SGSH: variants seen among roughly 807,000 people sequenced by gnomAD.
SGSH encodes the protein heparan sulfate sulfatase.
SGSH carries 48 observed loss-of-function variants against 51.0 expected under a neutral mutation model. That is an observed-to-expected ratio of 0.94 (90% CI 0.75 to 1.20). The LOEUF (loss-of-function observed/expected upper bound fraction) is 1.20, where lower values mean the gene tolerates loss of function less well. Ranked by LOEUF, SGSH falls within the 50% of genes most tolerant of loss-of-function variation. The pLI is 0.00. For missense variants in SGSH, 662 were observed against 717.8 expected (o/e 0.92, Z 0.89); for synonymous variants, 321 against 313.4 (o/e 1.02, Z -0.26).
chr17:80,215,258 G>A (rs1052394710), intron 2 of SGSH, 120 bp from the exon 3 acceptor site: 3 of 734,720 alleles, frequency 4.1e-6, no homozygotes, highest in Admixed American at 2.0e-5. Context: ...TTTAGACTTC[G>A]AGTGGCCAGC....
At chr17:80,204,075 C>A (rs1470145282), downstream of SGSH, 7 of 855,266 alleles carry the variant, frequency 8.2e-6, no homozygotes, top group Non-Finnish European at 1.3e-5. Context: ...CAGGCTCTTG[C>A]ACAAGTGCAG....
chr17:80,203,912 C>T (rs746722599), downstream of SGSH: 7 of 1,564,272 alleles, frequency 4.5e-6, no homozygotes, highest in Non-Finnish European at 6.1e-6. The surrounding 1 kb of genome is among the most constrained non-coding windows in gnomAD (Gnocchi z 4.6). Flanking sequence ...GGGCCTGGAC[C>T]CCACTGGGGT....
At chr17:80,205,809 T>G, downstream of SGSH, 1 of 651,614 alleles carries the variant, frequency 1.5e-6, no homozygotes, top group Non-Finnish European at 2.5e-6. Context: ...AGCCCAAAAC[T>G]CATCTCAGCC....
downstream of SGSH, chr17:80,208,217 G>A (rs1340105307): frequency 6.4e-7 from 1 of 1,560,878 alleles, no homozygotes; most frequent in Non-Finnish European, 8.7e-7. Flanking sequence ...CCTGGACCGG[G>A]CGCCCTGTCT....
chr17:80,202,129 G>C (rs745392909), downstream of SGSH: 60 of 1,508,536 alleles, frequency 4.0e-5, no homozygotes, highest in Non-Finnish European at 5.5e-5. Context: ...AACCTTCCTC[G>C]CAGAGGCTCG....
Position 80,210,181 on chromosome 17 carries a change from G to A in SGSH, c.*271C>T. On this transcript the variant is annotated 3_prime_UTR_variant, in exon 8 of 8. Coordinates refer to ENST00000326317, the MANE Select transcript of SGSH (RefSeq NM_000199.5). ...ACGTATGTCTAGAATTCCCGTGCTGGGACATGGTTCAGACACAAGGACAAC... is the reference window on the plus strand; with the variant it reads ...ACGTATGTCTAGAATTCCCGTGCTGAGACATGGTTCAGACACAAGGACAAC... 7.3e-7 allele frequency: 1 copy of A among 1,377,748 alleles called. No individual in the cohort carries two copies. Among genetic ancestry groups the A allele is most frequent in the Non-Finnish European group, 9.4e-7 (1 of 1,065,186 alleles). 85.3% of individuals were successfully genotyped at this position (1,377,748 alleles called of 1,614,324 possible).
rs544420951 is a variant in SGSH, at chr17:80,209,762, A to C, written c.*690T>G. ...ATGCCTTCATCTTCGGACACTCTCA[A>C]AAAAGATAAGCTTCTGCCCAGAAAC... On this transcript the variant is annotated 3_prime_UTR_variant, in exon 8 of 8. Coordinates refer to ENST00000326317, the MANE Select transcript of SGSH (RefSeq NM_000199.5). The C allele has an allele frequency of 7.3e-4, 718 of 985,566 alleles. 1 individual carries two copies. Among genetic ancestry groups the C allele is most frequent in the Non-Finnish European group, 8.3e-4 (692 of 830,132 alleles). The allele number at this position is 985,566 out of a possible 1,614,324, so 61.1% of individuals were successfully genotyped here. A position where few individuals can be genotyped will look rare whatever the true frequency, so the allele number is the denominator to read the frequency against.
rs1002896537 is a variant in SGSH at position 80,211,746 on chromosome 17, A to G, written c.949+325T>C. On this transcript the variant is annotated intron_variant, in intron 7 of 7. Transcript: ENST00000326317. ...GATCTACTGAATCGGACACCCTGGG[A>G]TTTGCAATTTGGATATTAACAAGCA... 6 of 411,666 alleles carry G rather than the reference A, an allele frequency of 1.5e-5. No individual in the cohort carries two copies. In the Admixed American group the frequency reaches 2.2e-4, roughly 15 times the overall value. The allele number at this position is 411,666 out of a possible 1,614,324, so 25.5% of individuals were successfully genotyped here.
Position 80,210,526 on chromosome 17 carries a change from A to G in SGSH, c.1435T>C (p.Trp479Arg). Residue 479 changes from tryptophan to arginine, a missense_variant, in exon 8 of 8, where the codon TGG (tryptophan) becomes CGG (arginine). Coordinates refer to ENST00000326317, the MANE Select transcript of SGSH (RefSeq NM_000199.5). Reference protein sequence around the residue: ...AKWQWETHDPWVCAPDGVLEE... With the variant: ...AKWQWETHDPRVCAPDGVLEE... Reference sequence around the variant, plus strand: ...AGGACGCCGTCGGGGGCGCACACCCAGGGGTCGTGGGTCTCCCACTGCCAC... The same window carrying G: ...AGGACGCCGTCGGGGGCGCACACCCGGGGGTCGTGGGTCTCCCACTGCCAC... 6.2e-7 allele frequency: 1 copy of G among 1,611,228 alleles called. No individual in the cohort carries two copies. Among genetic ancestry groups the G allele is most frequent in the Non-Finnish European group, 8.5e-7 (1 of 1,179,742 alleles).
downstream of SGSH, chr17:80,204,236 G>T: frequency 1.9e-6 from 3 of 1,589,806 alleles, no homozygotes; most frequent in East Asian, 2.3e-5. Flanking sequence ...GCCATCTTCT[G>T]GGGGACCACA....
rs34029730 is a variant in SGSH at position 80,213,922 on chromosome 17, CAG to C, written c.664-39_664-38del. On this transcript the variant is annotated intron_variant, in intron 5 of 7. Coordinates refer to ENST00000326317, the MANE Select transcript of SGSH (RefSeq NM_000199.5). The surrounding 1 kb of genome is among the most constrained non-coding windows in gnomAD (Gnocchi z 4.6). ...GGTGGGGAGCCAGGCTTAGAACAGA[CAG>C]ACCGGGGGAGCGGTGTCCAGCCTTC... 550,232 of 1,577,990 alleles carry C rather than the reference CAG, an allele frequency of 0.35. 98,466 individuals are homozygous for C. Among genetic ancestry groups the C allele is most frequent in the Admixed American group, 0.51 (29,076 of 56,496 alleles).
At chr17:80,211,795 C>T (rs1368558163) in intron 7 of SGSH, 5 of 521,410 alleles carry the variant, frequency 9.6e-6, no homozygotes, top group African/African-American at 1.9e-5. Context: ...TGAAGCTCAT[C>T]GGAGGTAGGC....
chr17:80,202,046 C>A (rs1198592215), downstream of SGSH: 3 of 1,196,060 alleles, frequency 2.5e-6, no homozygotes, highest in Non-Finnish European at 3.6e-6. Flanking sequence ...AACCTCCCAC[C>A]CACTGACTCC....
downstream of SGSH, chr17:80,205,217 C>A (rs1489444276): frequency 1.2e-6 from 2 of 1,604,124 alleles, no homozygotes; most frequent in Non-Finnish European, 1.7e-6. Flanking sequence ...TATGCTGTTG[C>A]CTGGGAATCC....
intron 1 of SGSH, 33 bp from the exon 2 acceptor site, chr17:80,217,225 C>A: frequency 1.3e-6 from 2 of 1,582,828 alleles, no homozygotes; most frequent in South Asian, 2.3e-5. Context: ...AGTGCACGGT[C>A]GGCTGCGGTC....
downstream of SGSH, chr17:80,204,336 TGGAG>T: frequency 1.9e-6 from 3 of 1,570,802 alleles, no homozygotes; most frequent in Non-Finnish European, 2.6e-6. Flanking sequence ...CCCAGCAGGA[TGGAG>T]GGTGAGGCCT....
rs1390127774 is a variant in SGSH at position 80,209,950 on chromosome 17, C to G, written c.*502G>C. On this transcript the variant is annotated 3_prime_UTR_variant, in exon 8 of 8. Transcript: ENST00000326317. Reference sequence around the variant, plus strand: ...CCAGACGCTGGTAAGAGCCAGGCGCCGTGCTCCCAGGTGAGTGTCGGTGGG... The same window carrying G: ...CCAGACGCTGGTAAGAGCCAGGCGCGGTGCTCCCAGGTGAGTGTCGGTGGG... 1 of 1,001,518 alleles carries G rather than the reference C, an allele frequency of 1.0e-6. No homozygotes were observed. The highest frequency in any genetic ancestry group is 9.8e-5 in the East Asian group (1 of 10,212). 62.0% of individuals were successfully genotyped at this position (1,001,518 alleles called of 1,614,324 possible).
the SGSH span, chr17:80,201,355 C>G: frequency 2.0e-5 from 4 of 195,884 alleles, no homozygotes; most frequent in African/African-American, 9.6e-5. The surrounding 1 kb of genome is among the most constrained non-coding windows in gnomAD (Gnocchi z 5.0). Flanking sequence ...CTGTAGGGCC[C>G]GGTATAGCCC....
downstream of SGSH, chr17:80,206,724 G>A (rs949094991): frequency 2.2e-5 from 5 of 222,898 alleles, no homozygotes; most frequent in Middle Eastern, 1.4e-3. Context: ...CCGAGATCGC[G>A]CCACTGCACT....
Sources: gnomAD v4.1 joint callset for allele counts on GRCh38, gnomAD v4.1.1 for gene constraint, Gnocchi (gnomAD v3.1) non-coding constraint, MANE v1.5 for transcripts, NCBI Gene and HGNC (gene_info 2026-07-23, HGNC 2026-07-21) for gene names.